Variants in SLC19A1 observed in about 807,000 individuals in gnomAD.
The protein encoded by SLC19A1 is reduced folate transporter.
SLC19A1 carries 37 observed loss-of-function variants against 35.3 expected under a neutral mutation model. The ratio of observed to expected loss-of-function variants is 1.05; its 90% CI spans 0.81 to 1.38. SLC19A1 has a LOEUF of 1.38. Ranked by LOEUF, SLC19A1 falls within the 40% of genes most tolerant of loss-of-function variation. The probability of loss-of-function intolerance (pLI) is 0.00; values close to 1 mark genes in which losing one functional copy is unlikely to be tolerated. For missense variants in SLC19A1, 831 were observed against 826.9 expected (o/e 1.00, Z -0.06); for synonymous variants, 460 against 398.5 (o/e 1.15, Z -1.84).
rs967248837 is a variant in SLC19A1, at chr21:45,533,295, G to A, written c.190-1147C>T. On this transcript the variant is annotated intron_variant, in intron 2 of 5. Coordinates refer to ENST00000311124, the MANE Select transcript of SLC19A1 (RefSeq NM_194255.4). The surrounding 1 kb of genome is among the most constrained non-coding windows in gnomAD (Gnocchi z 4.5). ...TCCATGGGAACGTGGAGCTGGGCAC[G>A]GGGCTGGGGGTGCTACCTCCTACAG... Among the ~76,000 whole-genome samples, 1 of 152,182 alleles carries A rather than the reference G, an allele frequency of 6.6e-6. No homozygotes were observed. The highest frequency in any genetic ancestry group is 2.4e-5 in the African/African-American group (1 of 41,436).
chr21:45,526,682 C>T (rs142152502), intron 4 of SLC19A1, among the ~76,000 whole-genome samples: 10 of 152,358 alleles, frequency 6.6e-5, no homozygotes, highest in African/African-American at 2.4e-4. Context: ...AGCAATTCTC[C>T]TGTCTCAGCC....
Position 45,503,835 on chromosome 21 carries a change from TAACA to T in SLC19A1, c.498-5227_498-5224del. On this transcript the variant is annotated intron_variant, in intron 3 of 4. Transcript: ENST00000417954. ...TAAAATAAAAATAAAAAGGCACCAT[TAACA>T]AAAACATCAGAAAGTATCGGTTAAC... 4.5e-6 allele frequency: 2 copies of T among 448,398 alleles called. 1 individual carries two copies. The highest frequency in any genetic ancestry group is 1.1e-4 in the South Asian group (2 of 18,216). 27.8% of individuals were successfully genotyped at this position (448,398 alleles called of 1,614,324 possible).
At chr21:45,525,417 G>A (rs2077574470) in intron 5 of SLC19A1, among the ~76,000 whole-genome samples, 1 of 152,246 alleles carries the variant, frequency 6.6e-6, no homozygotes, top group Non-Finnish European at 1.5e-5. Context: ...CACCCGCAGA[G>A]GCCTGCGCAC....
chr21:45,510,382 GCCTAGGCTGGCGACTTCAGGGCAGGCT>G, downstream of SLC19A1: 1 of 1,153,754 alleles, frequency 8.7e-7, no homozygotes, highest in Admixed American at 2.0e-5. Flanking sequence ...AGACACTGGC[GCCTAGGCTGGCGACTTCAGGGCAGGCT>G]CCGGGTGGGT....
chr21:45,553,187 T>C (rs1308997105), intron 1 of SLC19A1, among the ~76,000 whole-genome samples: 2 of 152,132 alleles, frequency 1.3e-5, no homozygotes, highest in African/African-American at 4.8e-5. Flanking sequence ...AGGCTGGGGC[T>C]GGGTCCTGCC....
chr21:45,504,691 C>A, intron 3 of SLC19A1: 1 of 769,434 alleles, frequency 1.3e-6, no homozygotes, highest in Non-Finnish European at 2.1e-6. Context: ...CCGACATGTC[C>A]CTGTCCCCGT....
At chr21:45,561,334 C>A (rs2078613099) in intron 1 of SLC19A1, among the ~76,000 whole-genome samples, 1 of 152,136 alleles carries the variant, frequency 6.6e-6, no homozygotes, top group Non-Finnish European at 1.5e-5. Flanking sequence ...ATAAATGAAC[C>A]TCTTTCAAGT....
intron 3 of SLC19A1, chr21:45,504,582 G>A: frequency 1.3e-6 from 2 of 1,556,166 alleles, no homozygotes; most frequent in South Asian, 2.3e-5. Context: ...TGCAGGCAGA[G>A]CCCATGTCCC....
chr21:45,539,328 C>T (rs905516640), intron 1 of SLC19A1, among the ~76,000 whole-genome samples: 4 of 152,260 alleles, frequency 2.6e-5, no homozygotes, highest in Non-Finnish European at 5.9e-5. Context: ...GGTGGGGATG[C>T]AGCGCATGCA....
At chr21:45,525,647 C>T (rs537238299) in intron 5 of SLC19A1, among the ~76,000 whole-genome samples, 170 bp downstream of exon 5, 13 of 152,336 alleles carry the variant, frequency 8.5e-5, no homozygotes, top group African/African-American at 2.6e-4. Flanking sequence ...GCTAGGGTCT[C>T]TCTCACTTCC....
intron 5 of SLC19A1, among the ~76,000 whole-genome samples, chr21:45,522,068 A>C (rs930799072): frequency 3.9e-5 from 6 of 152,236 alleles, no homozygotes; most frequent in African/African-American, 1.4e-4. Flanking sequence ...AAAAATTGCA[A>C]ACTGTATATA....
chr21:45,514,817 G>A lies in SLC19A1; in HGVS notation c.*841C>T, dbSNP rs575724946. On this transcript the variant is annotated 3_prime_UTR_variant, in exon 6 of 6. Transcript: ENST00000311124. ...CTAGCGCTCCTTAGACCCTGAGGCCGCTGGGACGTACTTCCCCAGCGCCCA... is the reference window on the plus strand; with the variant it reads ...CTAGCGCTCCTTAGACCCTGAGGCCACTGGGACGTACTTCCCCAGCGCCCA... The A allele has an allele frequency of 4.0e-5, 22 of 554,898 alleles. No individual in the cohort carries two copies. Among genetic ancestry groups the A allele is most frequent in the African/African-American group, 2.6e-4 (13 of 50,732 alleles). 34.4% of individuals were successfully genotyped at this position (554,898 alleles called of 1,614,324 possible). A position where few individuals can be genotyped will look rare whatever the true frequency, so the allele number is the denominator to read the frequency against.
chr21:45,511,012 C>G, downstream of SLC19A1: 1 of 196,998 alleles, frequency 5.1e-6, no homozygotes, highest in South Asian at 2.5e-5. Flanking sequence ...ACCCCCCCCC[C>G]ACACATCCAC....
chr21:45,525,316 G>A (rs1004656974), intron 5 of SLC19A1, among the ~76,000 whole-genome samples: 2 of 152,224 alleles, frequency 1.3e-5, no homozygotes, highest in Non-Finnish European at 2.9e-5. Flanking sequence ...TCGGAGACCC[G>A]GCCTTGGCTG....
Position 45,515,150 on chromosome 21 carries a change from A to G in SLC19A1, c.*508T>C. ...ACAGAGAAGCCACATGCAGTTCTTCATTCTACGTCAGTTAAAAAAAAAAAA... is the reference window on the plus strand; with the variant it reads ...ACAGAGAAGCCACATGCAGTTCTTCGTTCTACGTCAGTTAAAAAAAAAAAA... On this transcript the variant is annotated 3_prime_UTR_variant, in exon 6 of 6. Transcript: ENST00000311124. 6.6e-7 allele frequency: 1 copy of G among 1,516,608 alleles called. No homozygotes were observed. The highest frequency in any genetic ancestry group is 8.8e-7 in the Non-Finnish European group (1 of 1,138,472). The allele number at this position is 1,516,608 out of a possible 1,614,324, so 93.9% of individuals were successfully genotyped here.
intron 1 of SLC19A1, among the ~76,000 whole-genome samples, chr21:45,552,845 G>A (rs1418048094): frequency 3.3e-5 from 5 of 150,244 alleles, no homozygotes; most frequent in Non-Finnish European, 7.4e-5. Flanking sequence ...GTGCTGATAG[G>A]AGGACACTGC....
At chr21:45,551,491 T>C (rs986534087) in intron 1 of SLC19A1, among the ~76,000 whole-genome samples, 5 of 152,244 alleles carry the variant, frequency 3.3e-5, no homozygotes, top group African/African-American at 9.6e-5. Context: ...CACTTGTTGC[T>C]GTCAGCCTCT....
chr21:45,532,286 CCT>C lies in SLC19A1; in HGVS notation c.190-140_190-139del, dbSNP rs966928333. On this transcript the variant is annotated intron_variant, in intron 2 of 5. Coordinates refer to ENST00000311124, the MANE Select transcript of SLC19A1 (RefSeq NM_194255.4). ...GTGGGACCCCTCTCCCCAACACGCC[CCT>C]GTCCCATGTCCCACTGCATCGTCCT... 22 of 677,066 alleles carry C rather than the reference CCT, an allele frequency of 3.2e-5. No homozygotes were observed. In the Admixed American group the frequency reaches 5.4e-4, roughly 17 times the overall value. The allele number at this position is 677,066 out of a possible 1,614,324, so 41.9% of individuals were successfully genotyped here. A position where few individuals can be genotyped will look rare whatever the true frequency, so the allele number is the denominator to read the frequency against.
chr21:45,504,277 C>T (rs1195644497), intron 3 of SLC19A1: 3 of 937,106 alleles, frequency 3.2e-6, no homozygotes, highest in Non-Finnish European at 3.3e-6. Flanking sequence ...GGAGTCGAGC[C>T]CTATTCTATG....
Sources: gnomAD v4.1 joint callset for allele counts (sites outside exome capture counted in the v4.1 genomes callset) on GRCh38, gnomAD v4.1.1 for gene constraint, Gnocchi (gnomAD v3.1) non-coding constraint, MANE v1.5 for transcripts, NCBI Gene and HGNC (gene_info 2026-07-23, HGNC 2026-07-21) for gene names.